Variants in TNR observed in about 807,000 individuals in gnomAD.
The protein encoded by TNR is tenascin R, also known as tenascin-R.
In TNR, 45 loss-of-function variants were observed where a neutral mutation model predicts 150.4. The observed-to-expected ratio is 0.30, with a 90% confidence interval of 0.24 to 0.38. The LOEUF (loss-of-function observed/expected upper bound fraction) is 0.38. Ranked by LOEUF, TNR falls within the 10% of genes least tolerant of loss-of-function variation. The probability of loss-of-function intolerance (pLI) is 1.00; values close to 1 mark genes in which losing one functional copy is unlikely to be tolerated. For synonymous variants in TNR, 687 were observed against 678.4 expected, an observed-to-expected ratio of 1.01 and a Z score of -0.20; for missense variants, 1,544 against 1,759.1, an observed-to-expected ratio of 0.88 and a Z score of 2.19.
chr1:175,681,593 G>C (rs900762578), intron 1 of TNR, among the ~76,000 whole-genome samples: 1 of 152,178 alleles, frequency 6.6e-6, no homozygotes, highest in Non-Finnish European at 1.5e-5. Flanking sequence ...CCTGTCTCCT[G>C]CCCTCCAGGG....
At chr1:175,427,609 A>AT (rs1347471829) in intron 2 of TNR, among the ~76,000 whole-genome samples, 2 of 151,624 alleles carry the variant, frequency 1.3e-5, no homozygotes, top group Non-Finnish European at 2.9e-5. Flanking sequence ...ATTTTTTATT[A>AT]TTTTTTATTT....
intron 2 of TNR, among the ~76,000 whole-genome samples, chr1:175,524,079 C>A (rs1466792741): frequency 6.6e-6 from 1 of 152,082 alleles, no homozygotes; most frequent in Non-Finnish European, 1.5e-5. Context: ...GCCCCCTCCC[C>A]CAAGACAGGG....
chr1:175,650,708 A>C (rs1571713662), intron 1 of TNR, among the ~76,000 whole-genome samples: 8 of 24,266 alleles, frequency 3.3e-4, no homozygotes, highest in South Asian at 3.8e-3. Context: ...CCCCATTACT[A>C]CCCCTCCCCC....
At chr1:175,697,864 C>T (rs1289286019) in intron 1 of TNR, among the ~76,000 whole-genome samples, 5 of 152,186 alleles carry the variant, frequency 3.3e-5, no homozygotes, top group Non-Finnish European at 2.9e-5. Context: ...CCACTCCCAT[C>T]CTCATTTTGC....
intron 1 of TNR, among the ~76,000 whole-genome samples, chr1:175,695,729 C>A (rs956774796): frequency 1.3e-5 from 2 of 152,082 alleles, no homozygotes; most frequent in African/African-American, 4.8e-5. Flanking sequence ...TTTTTTGACC[C>A]CATTCCAGTA....
chr1:175,413,939 C>T (rs1571405685), intron 2 of TNR, among the ~76,000 whole-genome samples: 1 of 152,120 alleles, frequency 6.6e-6, no homozygotes, highest in African/African-American at 2.4e-5. Context: ...TTGAGACCAG[C>T]CTGGGCAACA....
At chr1:175,650,447 C>G (rs1035174234) in intron 1 of TNR, among the ~76,000 whole-genome samples, 4 of 151,860 alleles carry the variant, frequency 2.6e-5, no homozygotes, top group Non-Finnish European at 5.9e-5. Flanking sequence ...AGTTGACCAT[C>G]TTATAACCAA....
Position 175,505,375 on chromosome 1 carries a change from C to T in TNR, c.-64+22894G>A, listed in dbSNP as rs148209956. 1.6e-3 allele frequency among the ~76,000 whole-genome samples: 242 copies of T among 152,368 alleles called. 2 individuals carry two copies. The highest frequency in any genetic ancestry group is 5.5e-3 in the African/African-American group (230 of 41,592). ...GCAGCTGAGAGATCCCTACCCAGGG[C>T]TGACTGAGCGAGCAGGGAGACCGCG... On this transcript the variant is annotated intron_variant, in intron 2 of 22. Transcript: ENST00000367674.
intron 1 of TNR, among the ~76,000 whole-genome samples, chr1:175,635,245 C>T (rs17311923): frequency 0.084 from 12,729 of 152,252 alleles, 565 homozygotes; most frequent in Non-Finnish European, 0.096. Flanking sequence ...GGAAGGTTTT[C>T]GACTTTGAGC....
intron 14 of TNR, 70 bp from the exon 15 acceptor site, chr1:175,359,801 G>T: frequency 6.5e-7 from 1 of 1,534,888 alleles, no homozygotes; most frequent in Non-Finnish European, 8.8e-7. Flanking sequence ...AATGATCTCA[G>T]AAGTTCCACT....
intron 2 of TNR, among the ~76,000 whole-genome samples, chr1:175,508,126 G>C (rs889361904): frequency 6.6e-6 from 1 of 152,118 alleles, no homozygotes; most frequent in Non-Finnish European, 1.5e-5. Context: ...GGGGGCAAGG[G>C]AAGGGAGGGC....
At chr1:175,476,849 C>A (rs1336483470) in intron 2 of TNR, among the ~76,000 whole-genome samples, 1 of 152,270 alleles carries the variant, frequency 6.6e-6, no homozygotes, top group African/African-American at 2.4e-5. Context: ...TGGGTGAGGG[C>A]AGCAAACTCA....
rs397745737 is a variant in TNR at position 175,647,435 on chromosome 1, C to CAAAAAAAA, written c.-165+95783_-165+95790dup. 2.3e-3 allele frequency among the ~76,000 whole-genome samples: 282 copies of CAAAAAAAA among 121,612 alleles called. 7 individuals carry two copies. Among genetic ancestry groups the CAAAAAAAA allele is most frequent in the African/African-American group, 6.9e-3 (227 of 32,704 alleles). 79.8% of individuals were successfully genotyped at this position (121,612 alleles called of 152,430 possible). On this transcript the variant is annotated intron_variant, in intron 1 of 22. Transcript: ENST00000367674. ...AAAATACGCTTGTTACTATTCGGTG[C>CAAAAAAAA]AAAAAAAAAAAAAACCTCATTGTCT...
intron 2 of TNR, among the ~76,000 whole-genome samples, chr1:175,418,382 G>C (rs984190365): frequency 6.6e-6 from 1 of 152,198 alleles, no homozygotes; most frequent in African/African-American, 2.4e-5. Flanking sequence ...TGGCTTTTGA[G>C]CTGGGTCTTG....
At chr1:175,620,830 G>A (rs1454311904) in intron 1 of TNR, among the ~76,000 whole-genome samples, 8 of 151,440 alleles carry the variant, frequency 5.3e-5, no homozygotes. Context: ...GAGTTTGTGT[G>A]AGTAGAAAAA....
intron 1 of TNR, among the ~76,000 whole-genome samples, chr1:175,617,827 A>T (rs1663831633): frequency 6.6e-6 from 1 of 152,260 alleles, no homozygotes; most frequent in Non-Finnish European, 1.5e-5. Context: ...GTTTCACACA[A>T]ATACGATCTT....
intron 2 of TNR, among the ~76,000 whole-genome samples, chr1:175,422,387 T>C (rs1228731163): frequency 2.6e-5 from 4 of 152,196 alleles, no homozygotes; most frequent in African/African-American, 7.2e-5. Flanking sequence ...TCAATACATA[T>C]ACACACACGT....
chr1:175,382,056 TTC>T, intron 8 of TNR, among the ~76,000 whole-genome samples: 1 of 152,254 alleles, frequency 6.6e-6, no homozygotes, highest in African/African-American at 2.4e-5. Context: ...GAGAGGCCTT[TTC>T]AAACCGCTTG....
chr1:175,623,330 T>C (rs912382245), intron 1 of TNR, among the ~76,000 whole-genome samples: 1 of 152,232 alleles, frequency 6.6e-6, no homozygotes, highest in African/African-American at 2.4e-5. Context: ...ATCTAGTACC[T>C]GATACAGTCT....
Sources: gnomAD v4.1 joint callset for allele counts (sites outside exome capture counted in the v4.1 genomes callset) on GRCh38, gnomAD v4.1.1 for gene constraint, MANE v1.5 for transcripts, NCBI Gene and HGNC (gene_info 2026-07-23, HGNC 2026-07-21) for gene names.